Variants in FAM135B observed in about 807,000 individuals in gnomAD.
The protein encoded by FAM135B is protein FAM135B.
A neutral mutation model predicts 127.7 loss-of-function variants in FAM135B; 43 were observed. The observed-to-expected ratio is 0.34, with a 90% CI of 0.26 to 0.43. The LOEUF (loss-of-function observed/expected upper bound fraction) is 0.43. Ranked by LOEUF, FAM135B falls within the 20% of genes least tolerant of loss-of-function variation. FAM135B has a pLI of 1.00. For synonymous variants in FAM135B, 670 were observed against 665.1 expected (o/e 1.01, Z -0.11); for missense variants, 1,558 against 1,725.6 (o/e 0.90, Z 1.72).
rs1470112827 is a variant in FAM135B, at chr8:138,198,508, G to A, written c.670-839C>T. Among the ~76,000 whole-genome samples the A allele has an allele frequency of 2.6e-5, 4 of 152,270 alleles. No individual in the cohort carries two copies. The East Asian group carries it at 5.8e-4, about 22-fold the overall frequency. On this transcript the variant is annotated intron_variant, in intron 7 of 19. Transcript: ENST00000395297. ...CCTTGTAGCAGGTGGGTGAGCAGTAGGTCGTGCTGAAAAGGAGGAAAAGAA... is the reference window on the plus strand; with the variant it reads ...CCTTGTAGCAGGTGGGTGAGCAGTAAGTCGTGCTGAAAAGGAGGAAAAGAA...
intron 4 of FAM135B, among the ~76,000 whole-genome samples, chr8:138,262,504 ATTAAC>A (rs1822606255): frequency 1.3e-5 from 2 of 152,190 alleles, no homozygotes; most frequent in African/African-American, 2.4e-5. Context: ...AACTAAAGGT[ATTAAC>A]TTGAGTCCAG....
chr8:138,304,824 G>A (rs1233192919), intron 3 of FAM135B, among the ~76,000 whole-genome samples: 1 of 152,204 alleles, frequency 6.6e-6, no homozygotes, highest in Non-Finnish European at 1.5e-5. Context: ...TGCTCGAAGT[G>A]GAAGGAAAGG....
At chr8:138,408,420 A>AAC (rs1833659894) in intron 1 of FAM135B, among the ~76,000 whole-genome samples, 2 of 152,042 alleles carry the variant, frequency 1.3e-5, no homozygotes, top group Non-Finnish European at 2.9e-5. Context: ...TCATTAATCA[A>AAC]CCTCTGCTGG....
At chr8:138,373,228 C>T (rs372364934) in intron 1 of FAM135B, among the ~76,000 whole-genome samples, 10 of 152,216 alleles carry the variant, frequency 6.6e-5, no homozygotes, top group Admixed American at 6.5e-5. Flanking sequence ...CGGCTGAAGC[C>T]ATGGCAGAAG....
intron 6 of FAM135B, among the ~76,000 whole-genome samples, chr8:138,249,155 C>T (rs1360953766): frequency 6.6e-6 from 1 of 152,180 alleles, no homozygotes; most frequent in Non-Finnish European, 1.5e-5. Flanking sequence ...GCAGACAGAT[C>T]ATGCCCTTAA....
In FAM135B at chr8:138,178,617, G is replaced by T. The variant is rs1322326658; in HGVS notation, c.947C>A (p.Thr316Asn). 2.5e-6 allele frequency: 4 copies of T among 1,614,050 alleles called. No individual in the cohort carries two copies. Among genetic ancestry groups the T allele is most frequent in the South Asian group, 1.1e-5 (1 of 91,088 alleles). ...DLAWLTSHMM[T>N]LWTQFLDTVT... ...TGTGTCCAGGAACTGGGTCCACAGA[G>T]TCATCATGTGGGACGTGAGCCAGGC... Residue 316 changes from threonine to asparagine, a missense_variant, in exon 10 of 20, where the codon ACT becomes AAT. By Grantham distance (65) the Thr-to-Asn change is moderately conservative. Coordinates refer to ENST00000395297, the MANE Select transcript of FAM135B (RefSeq NM_015912.4).
At chr8:138,470,358 T>C (rs1216161806) in intron 1 of FAM135B, among the ~76,000 whole-genome samples, 1 of 152,214 alleles carries the variant, frequency 6.6e-6, no homozygotes, top group Non-Finnish European at 1.5e-5. Context: ...CTGTACATTT[T>C]ATATTTATAC....
At chr8:138,366,153 T>C (rs888641772) in intron 2 of FAM135B, among the ~76,000 whole-genome samples, 9 of 152,192 alleles carry the variant, frequency 5.9e-5, no homozygotes, top group Non-Finnish European at 1.3e-4. Flanking sequence ...GTTAGAGCTA[T>C]GTACTGTTCT....
At chr8:138,434,846 C>T (rs1023564797) in intron 1 of FAM135B, among the ~76,000 whole-genome samples, 1 of 152,046 alleles carries the variant, frequency 6.6e-6, no homozygotes, top group Non-Finnish European at 1.5e-5. Context: ...TATTGTGTCA[C>T]TAATAACAGT....
chr8:138,348,341 G>A (rs1474249267), intron 2 of FAM135B, among the ~76,000 whole-genome samples: 1 of 151,748 alleles, frequency 6.6e-6, no homozygotes, highest in East Asian at 1.9e-4. Context: ...CTCCATGTTG[G>A]GCAGGCTGGT....
chr8:138,367,860 AACACAC>A (rs3084240), intron 2 of FAM135B, 41 bp downstream of exon 2: 143 of 1,240,004 alleles, frequency 1.2e-4, no homozygotes, highest in South Asian at 1.1e-3. Context: ...AGAAACAAAC[AACACAC>A]ACACACACAC....
At chr8:138,159,400 T>C (rs1362492071) in intron 12 of FAM135B, among the ~76,000 whole-genome samples, 1 of 150,142 alleles carries the variant, frequency 6.7e-6, no homozygotes, top group Non-Finnish European at 1.5e-5. Flanking sequence ...GTGGCACATA[T>C]ACACCATGGA....
intron 2 of FAM135B, among the ~76,000 whole-genome samples, chr8:138,335,520 A>G (rs1033364356): frequency 6.6e-6 from 1 of 152,206 alleles, no homozygotes; most frequent in Non-Finnish European, 1.5e-5. Context: ...AGTCCATTAC[A>G]TAATGGTAAA....
intron 12 of FAM135B, among the ~76,000 whole-genome samples, chr8:138,162,148 A>G (rs1469673692): frequency 6.6e-6 from 1 of 152,268 alleles, no homozygotes; most frequent in Non-Finnish European, 1.5e-5. Flanking sequence ...TAGTTATAAC[A>G]GTGAACCAGG....
rs2130793691 is a variant in FAM135B, at chr8:138,153,175, T to C, written c.1300A>G (p.Thr434Ala). ...SVYPNFDVPV[T>A]SPTIMNLKDK... ...TTCAGATTCATTATTGTAGGACTTG[T>C]CACTGGAACATCAAAATTAGGATAA... is the stretch of plus-strand genomic sequence containing the variant. The change falls in exon 13 of 20, where the codon ACA (threonine) becomes GCA (alanine). Residue 434 changes from threonine (T) to alanine (A), a missense_variant. Coordinates refer to ENST00000395297, the MANE Select transcript of FAM135B (RefSeq NM_015912.4). 2 of 1,594,316 alleles carry C rather than the reference T, an allele frequency of 1.3e-6. No individual in the cohort carries two copies. Among genetic ancestry groups the C allele is most frequent in the Non-Finnish European group, 1.7e-6 (2 of 1,168,218 alleles).
intron 1 of FAM135B, chr8:138,439,003 A>T (rs1051030572): frequency 6.6e-6 from 1 of 152,188 alleles, no homozygotes; most frequent in African/African-American, 2.4e-5. Context: ...TACCTAAAAA[A>T]ACAAGTGGGT....
chr8:138,305,318 G>A (rs764782655), intron 3 of FAM135B, among the ~76,000 whole-genome samples: 6 of 152,122 alleles, frequency 3.9e-5, no homozygotes, highest in Non-Finnish European at 8.8e-5. Flanking sequence ...CTAATCATTT[G>A]CTGCAGCCTC....
intron 1 of FAM135B, among the ~76,000 whole-genome samples, chr8:138,435,161 C>T (rs774554332): frequency 4.0e-5 from 6 of 151,730 alleles, no homozygotes; most frequent in Non-Finnish European, 8.8e-5. Context: ...AGCCAGACGT[C>T]GTGGCAGGCG....
intron 12 of FAM135B, among the ~76,000 whole-genome samples, chr8:138,159,131 G>T (rs11990272): frequency 0.67 from 94,530 of 140,126 alleles, 31,601 homozygotes; most frequent in East Asian, 0.78. Context: ...AATTAGCCGG[G>T]CGCGGTGGCG....
Sources: gnomAD v4.1 joint callset for allele counts (sites outside exome capture counted in the v4.1 genomes callset) on GRCh38, gnomAD v4.1.1 for gene constraint, MANE v1.5 for transcripts, NCBI Gene and HGNC (gene_info 2026-07-23, HGNC 2026-07-21) for gene names.